Variants in GRB2 observed in about 807,000 individuals in gnomAD.
GRB2 encodes growth factor receptor bound protein 2.
In GRB2, 2 loss-of-function variants were observed where a neutral mutation model predicts 27.4. The observed-to-expected ratio is 0.07, with a 90% confidence interval of 0.03 to 0.23. GRB2 has a LOEUF of 0.23. Among genes scored for constraint, GRB2 ranks in the 10% least tolerant of loss-of-function variants. GRB2 has a pLI of 1.00. For synonymous variants in GRB2, 94 were observed against 99.6 expected (o/e 0.94, Z 0.33); for missense variants, 102 against 282.4 (o/e 0.36, Z 4.58).
At chr17:75,334,219 G>A (rs1356642471) in intron 2 of GRB2, among the ~76,000 whole-genome samples, 2 of 151,800 alleles carry the variant, frequency 1.3e-5, no homozygotes, top group African/African-American at 4.8e-5. Context: ...CGCCCAGGCT[G>A]GAGTGCAGTG....
chr17:75,338,360 C>T (rs565427892), intron 2 of GRB2, among the ~76,000 whole-genome samples: 25 of 152,166 alleles, frequency 1.6e-4, no homozygotes, highest in Admixed American at 2.6e-4. Flanking sequence ...CCACCGTGCC[C>T]GGCCACAAAT....
At chr17:75,401,540 A>AATTGT (rs1402096237) in intron 1 of GRB2, among the ~76,000 whole-genome samples, 1 of 151,978 alleles carries the variant, frequency 6.6e-6, no homozygotes, top group Non-Finnish European at 1.5e-5. Context: ...GATACACCTC[A>AATTGT]ATTGTATTTT....
intron 2 of GRB2, among the ~76,000 whole-genome samples, chr17:75,377,826 G>C (rs1171235551): frequency 6.6e-6 from 1 of 151,978 alleles, no homozygotes; most frequent in Non-Finnish European, 1.5e-5. Context: ...AGAACTGCTT[G>C]AACCCGGGAG....
intron 2 of GRB2, among the ~76,000 whole-genome samples, chr17:75,388,568 A>G (rs943275149): frequency 4.3e-5 from 6 of 140,550 alleles, no homozygotes; most frequent in Admixed American, 2.8e-4. Flanking sequence ...TACTGATACT[A>G]GGACTTTAAA....
At chr17:75,382,810 G>A (rs889564714) in intron 2 of GRB2, among the ~76,000 whole-genome samples, 1 of 152,162 alleles carries the variant, frequency 6.6e-6, no homozygotes, top group African/African-American at 2.4e-5. Context: ...CCGGGTTCAC[G>A]CCATTCTCCT....
chr17:75,364,194 T>C (rs1212640996), intron 2 of GRB2, among the ~76,000 whole-genome samples: 1 of 152,224 alleles, frequency 6.6e-6, no homozygotes, highest in Non-Finnish European at 1.5e-5. Flanking sequence ...AGCTGCCTTG[T>C]ACATTGCCTC....
chr17:75,363,498 A>C (rs547299377), intron 2 of GRB2, among the ~76,000 whole-genome samples: 2 of 152,310 alleles, frequency 1.3e-5, no homozygotes, highest in East Asian at 3.9e-4. Flanking sequence ...GTTATACTCT[A>C]TTTACAAAAT....
intron 2 of GRB2, among the ~76,000 whole-genome samples, chr17:75,354,432 T>C (rs1440513283): frequency 2.6e-5 from 4 of 152,158 alleles, no homozygotes; most frequent in Non-Finnish European, 5.9e-5. Context: ...CCGGCTAATT[T>C]TTCTATTTTT....
intron 1 of GRB2, among the ~76,000 whole-genome samples, chr17:75,401,242 G>A (rs1293594891): frequency 6.6e-6 from 1 of 151,550 alleles, no homozygotes; most frequent in African/African-American, 2.4e-5. Context: ...TCAGGAGATC[G>A]AGACCATCCT....
intron 2 of GRB2, among the ~76,000 whole-genome samples, chr17:75,364,425 A>T (rs1481313531): frequency 6.6e-6 from 1 of 152,206 alleles, no homozygotes; most frequent in African/African-American, 2.4e-5. Flanking sequence ...TAAGGTGTAT[A>T]GGTACTATAA....
intron 2 of GRB2, among the ~76,000 whole-genome samples, chr17:75,388,520 G>C (rs1490351797): frequency 6.8e-6 from 1 of 148,014 alleles, no homozygotes; most frequent in African/African-American, 2.5e-5. Flanking sequence ...TGTAATCCCA[G>C]CACTTTGGGA....
rs1301444548 is a variant in GRB2, at chr17:75,405,674, T to G, written c.-323A>C. Reference sequence around the variant, plus strand: ...CGGTCGCCGAAGCAGCAATACCTCCTGGCTTCCGCTCCCCGTCGGTGTCCC... The same window carrying G: ...CGGTCGCCGAAGCAGCAATACCTCCGGGCTTCCGCTCCCCGTCGGTGTCCC... On this transcript the variant is annotated 5_prime_UTR_variant, in exon 1 of 6. Coordinates refer to ENST00000316804, the MANE Select transcript of GRB2 (RefSeq NM_002086.5). 2 of 158,014 alleles carry G rather than the reference T, an allele frequency of 1.3e-5. No homozygotes were observed. Among genetic ancestry groups the G allele is most frequent in the Non-Finnish European group, 2.8e-5 (2 of 71,116 alleles). 9.8% of individuals were successfully genotyped at this position (158,014 alleles called of 1,614,324 possible).
chr17:75,333,850 C>A (rs1332397975), intron 2 of GRB2, among the ~76,000 whole-genome samples: 1 of 152,198 alleles, frequency 6.6e-6, no homozygotes, highest in Admixed American at 6.5e-5. Context: ...CTGCATTCTA[C>A]AGATGTAAAA....
chr17:75,349,807 G>A (rs556081846), intron 2 of GRB2, among the ~76,000 whole-genome samples: 5 of 152,106 alleles, frequency 3.3e-5, no homozygotes, highest in South Asian at 2.1e-4. Flanking sequence ...GATTACAGGC[G>A]TGAGCCACCA....
chr17:75,348,602 A>C (rs1288897806), intron 2 of GRB2, among the ~76,000 whole-genome samples: 1 of 152,204 alleles, frequency 6.6e-6, no homozygotes, highest in Non-Finnish European at 1.5e-5. Flanking sequence ...ATAAAGAGGA[A>C]ATAAGTAAAA....
chr17:75,383,126 G>A (rs2078940333), intron 2 of GRB2, among the ~76,000 whole-genome samples: 1 of 151,416 alleles, frequency 6.6e-6, no homozygotes, highest in African/African-American at 2.4e-5. Flanking sequence ...TACTGAAATC[G>A]ACCTTAATAT....
At chr17:75,369,715 C>T (rs987126519) in intron 2 of GRB2, among the ~76,000 whole-genome samples, 2 of 144,894 alleles carry the variant, frequency 1.4e-5, no homozygotes, top group Non-Finnish European at 3.1e-5. Context: ...AAAAATTAGC[C>T]GGGTGTGGGG....
At chr17:75,331,398 AG>A (rs1420690929) in intron 3 of GRB2, among the ~76,000 whole-genome samples, 2 of 152,226 alleles carry the variant, frequency 1.3e-5, no homozygotes, top group African/African-American at 4.8e-5. Context: ...TCAGCCTGGC[AG>A]TAACTACAAC....
intron 2 of GRB2, among the ~76,000 whole-genome samples, chr17:75,381,503 G>C (rs560539194): frequency 8.7e-4 from 132 of 151,904 alleles, no homozygotes; most frequent in Middle Eastern, 3.4e-3. Flanking sequence ...CAGATCATGA[G>C]GTCAGGAGTT....
Sources: gnomAD v4.1 joint callset for allele counts (sites outside exome capture counted in the v4.1 genomes callset) on GRCh38, gnomAD v4.1.1 for gene constraint, MANE v1.5 for transcripts, NCBI Gene and HGNC (gene_info 2026-07-23, HGNC 2026-07-21) for gene names.